Variants in SLC39A14 observed in about 807,000 individuals in gnomAD.
SLC39A14 encodes the protein metal cation symporter ZIP14.
SLC39A14 carries 19 observed loss-of-function variants against 45.5 expected under a neutral mutation model. The observed-to-expected ratio is 0.42, with a 90% confidence interval of 0.29 to 0.61. The LOEUF (loss-of-function observed/expected upper bound fraction) is 0.61, where lower values mean the gene tolerates loss of function less well. Among genes scored for constraint, SLC39A14 ranks in the 20% least tolerant of loss-of-function variants. The pLI is 0.22. For synonymous variants in SLC39A14, 264 were observed against 251.3 expected (o/e 1.05, Z -0.48); for missense variants, 447 against 616.5 (o/e 0.73, Z 2.91).
chr8:22,402,242 G>A (rs943078594), intron 1 of SLC39A14, among the ~76,000 whole-genome samples: 22 of 152,054 alleles, frequency 1.4e-4, no homozygotes, highest in Non-Finnish European at 2.4e-4. Context: ...AAAATTAGCC[G>A]GGCGTGGTGG....
downstream of SLC39A14, among the ~76,000 whole-genome samples, chr8:22,425,889 G>GT (rs549782856): frequency 0.023 from 1,730 of 76,230 alleles, 47 homozygotes; most frequent in African/African-American, 0.025. Context: ...GATGGTTTTT[G>GT]TTTTTTTTTT....
intron 1 of SLC39A14, among the ~76,000 whole-genome samples, chr8:22,381,429 C>T (rs910595769): frequency 1.3e-5 from 2 of 151,796 alleles, no homozygotes; most frequent in African/African-American, 4.8e-5. Context: ...CGCCACCAGG[C>T]CTGGCTAATG....
chr8:22,433,960 C>T (rs1170390201), exon 9 of SLC39A14: 1 of 438,362 alleles, frequency 2.3e-6, no homozygotes, highest in Non-Finnish European at 4.6e-6. Context: ...ACCTCTGCCG[C>T]TTGGGTTGAA....
chr8:22,433,895 A>G, exon 9 of SLC39A14: 2 of 364,804 alleles, frequency 5.5e-6, no homozygotes, highest in Non-Finnish European at 1.1e-5. Context: ...TTTTAGATGG[A>G]GTTTTGCTCT....
At chr8:22,412,325 C>A (rs926879299) in intron 4 of SLC39A14, 119 bp downstream of exon 4, 1 of 1,110,022 alleles carries the variant, frequency 9.0e-7, no homozygotes, top group Admixed American at 2.7e-5. Flanking sequence ...GAAAGCGAAG[C>A]TAGAACTTAG....
At chr8:22,394,366 C>T (rs1215012543) in intron 1 of SLC39A14, among the ~76,000 whole-genome samples, 12 of 148,862 alleles carry the variant, frequency 8.1e-5, no homozygotes, top group African/African-American at 3.0e-4. Context: ...GCTCTGTCAC[C>T]CAGGCTGGAG....
At position 22,408,820 on chromosome 8, in the gene SLC39A14, C is replaced by CT. The variant is rs71544900; in HGVS notation, c.457+340dup. ...GGCCCAACCCTTTGGCTTTTTTAATCTTTTTTTTTTTTTTTTCTGAGATAG... is the reference window on the plus strand; with the variant it reads ...GGCCCAACCCTTTGGCTTTTTTAATCTTTTTTTTTTTTTTTTTCTGAGATAG... On this transcript the variant is annotated intron_variant, in intron 3 of 8. Coordinates refer to ENST00000381237, the MANE Select transcript of SLC39A14 (RefSeq NM_001128431.4). 3.5e-3 allele frequency among the ~76,000 whole-genome samples: 456 copies of CT among 130,512 alleles called. 4 individuals are homozygous for CT. The highest frequency in any genetic ancestry group is 5.2e-3 in the Non-Finnish European group (329 of 63,402). The allele number at this position is 130,512 out of a possible 152,430, so 85.6% of individuals were successfully genotyped here. A position where few individuals can be genotyped will look rare whatever the true frequency, so the allele number is the denominator to read the frequency against.
intron 1 of SLC39A14, among the ~76,000 whole-genome samples, chr8:22,402,153 G>A (rs1033893580): frequency 3.9e-5 from 6 of 152,038 alleles, no homozygotes; most frequent in African/African-American, 4.8e-5. Context: ...AGGCGGAGGC[G>A]TGTGGGTCAC....
chr8:22,391,655 C>T (rs1045418480), intron 1 of SLC39A14, among the ~76,000 whole-genome samples: 18 of 151,952 alleles, frequency 1.2e-4, no homozygotes, highest in African/African-American at 4.3e-4. Context: ...ACTGCAACTT[C>T]TGTCTCCCGG....
rs201527449 is a variant in SLC39A14, at chr8:22,400,394, T to C, written c.-15-4302T>C. On this transcript the variant is annotated intron_variant, in intron 1 of 8. Transcript: ENST00000381237. Reference sequence around the variant, plus strand: ...GGTAAATGCTAGCTGCTGTCCATCATCTCTTTGCCTTTTCTTTTCTAAATA... The same window carrying C: ...GGTAAATGCTAGCTGCTGTCCATCACCTCTTTGCCTTTTCTTTTCTAAATA... Among the ~76,000 whole-genome samples, 4 of 152,180 alleles carry C rather than the reference T, an allele frequency of 2.6e-5. No homozygotes were observed. The East Asian group carries it at 5.8e-4, about 22-fold the overall frequency.
At chr8:22,379,569 A>C (rs1353229219) in intron 1 of SLC39A14, 1 of 152,274 alleles carries the variant, frequency 6.6e-6, no homozygotes, top group Non-Finnish European at 1.5e-5. Flanking sequence ...GACACTTTGC[A>C]GTACAGTCAG....
At position 22,422,148 on chromosome 8, in the gene SLC39A14, G is replaced by T; in HGVS notation, c.*2450G>T. On this transcript the variant is annotated 3_prime_UTR_variant, in exon 9 of 9. Transcript: ENST00000381237. ...AGTCTAAGGAGTAGCAAGTCAGTGG[G>T]AGGACTTTTTCACCCCTGGCATTAG... The T allele has an allele frequency of 1.0e-6, 1 of 985,436 alleles. No individual in the cohort carries two copies. The highest frequency in any genetic ancestry group is 1.2e-6 in the Non-Finnish European group (1 of 829,930). 61.0% of individuals were successfully genotyped at this position (985,436 alleles called of 1,614,324 possible).
In SLC39A14 at chr8:22,422,472, T is replaced by C. The variant is rs935881069; in HGVS notation, c.*2774T>C. ...CAAAGAGATGGCAATATGCTGGGCA[T>C]CTACTTTAAAACAAAGTTGTCTGAT... On this transcript the variant is annotated 3_prime_UTR_variant, in exon 9 of 9. Coordinates refer to ENST00000381237, the MANE Select transcript of SLC39A14 (RefSeq NM_001128431.4). The C allele has an allele frequency of 9.1e-6, 9 of 985,778 alleles. No homozygotes were observed. The African/African-American group carries it at 1.4e-4, about 15-fold the overall frequency. The allele number at this position is 985,778 out of a possible 1,614,324, so 61.1% of individuals were successfully genotyped here. A position where few individuals can be genotyped will look rare whatever the true frequency, so the allele number is the denominator to read the frequency against.
intron 1 of SLC39A14, among the ~76,000 whole-genome samples, chr8:22,403,388 T>G (rs1835003201): frequency 3.3e-5 from 5 of 151,940 alleles, no homozygotes; most frequent in Admixed American, 3.3e-4. Context: ...CAAGCGATTC[T>G]CCTGCCTCAG....
chr8:22,413,823 G>A (rs1168208208), intron 4 of SLC39A14, among the ~76,000 whole-genome samples: 2 of 152,156 alleles, frequency 1.3e-5, no homozygotes, highest in African/African-American at 4.8e-5. Flanking sequence ...CACCCAGACT[G>A]GAGTGCAGTG....
chr8:22,404,576 G>A, intron 1 of SLC39A14, 120 bp from the exon 2 acceptor site: 2 of 889,870 alleles, frequency 2.2e-6, no homozygotes, highest in Non-Finnish European at 3.5e-6. Context: ...ATTCAAGAAG[G>A]AGCAGAGAAG....
intron 1 of SLC39A14, among the ~76,000 whole-genome samples, chr8:22,384,358 G>A (rs1479067119): frequency 1.3e-5 from 2 of 152,034 alleles, no homozygotes; most frequent in East Asian, 3.8e-4. Flanking sequence ...ACCTTCTCAG[G>A]GATGTGGAAA....
intron 2 of SLC39A14, among the ~76,000 whole-genome samples, chr8:22,406,741 G>A (rs1258308313): frequency 2.0e-5 from 3 of 152,104 alleles, no homozygotes; most frequent in Admixed American, 2.0e-4. Flanking sequence ...GCTTGGATGC[G>A]AACACCTGAG....
chr8:22,373,403 T>G (rs1467407953), intron 1 of SLC39A14, among the ~76,000 whole-genome samples: 1 of 152,196 alleles, frequency 6.6e-6, no homozygotes. Context: ...TAACAGGTTA[T>G]AATAGGTGTA....
Sources: gnomAD v4.1 joint callset for allele counts (sites outside exome capture counted in the v4.1 genomes callset) on GRCh38, gnomAD v4.1.1 for gene constraint, MANE v1.5 for transcripts, NCBI Gene and HGNC (gene_info 2026-07-23, HGNC 2026-07-21) for gene names.